Variants in TUBGCP3 observed in about 807,000 individuals in gnomAD.
TUBGCP3 encodes tubulin gamma complex component 3.
TUBGCP3 carries 50 observed loss-of-function variants against 123.1 expected under a neutral mutation model. The ratio of observed to expected loss-of-function variants is 0.41; its 90% CI spans 0.32 to 0.51. The LOEUF is 0.51. Ranked by LOEUF, TUBGCP3 falls within the 20% of genes least tolerant of loss-of-function variation. The pLI, the probability that TUBGCP3 is intolerant of heterozygous loss-of-function variation, is 0.36. For synonymous variants in TUBGCP3, 405 were observed against 413.9 expected (o/e 0.98, Z 0.26); for missense variants, 882 against 1,127.0 (o/e 0.78, Z 3.11).
chr13:112,591,111 G>A (rs952504424), upstream of TUBGCP3, among the ~76,000 whole-genome samples: 3 of 152,194 alleles, frequency 2.0e-5, no homozygotes, highest in African/African-American at 7.2e-5. Context: ...AGACTTTGTA[G>A]GAAACAGCAT....
At chr13:112,538,030 A>G (rs1878210681) in intron 11 of TUBGCP3, among the ~76,000 whole-genome samples, 1 of 152,194 alleles carries the variant, frequency 6.6e-6, no homozygotes, top group Non-Finnish European at 1.5e-5. Context: ...TGGCCTCCAC[A>G]GTTTCTGATG....
chr13:112,604,773 C>A, the TUBGCP3 span: 1 of 152,214 alleles, frequency 6.6e-6, no homozygotes, highest in Admixed American at 6.5e-5. Flanking sequence ...TGTGTGCATA[C>A]ACTTGTGATT....
chr13:112,577,501 T>C (rs746213368), intron 1 of TUBGCP3, among the ~76,000 whole-genome samples: 10 of 152,020 alleles, frequency 6.6e-5, no homozygotes, highest in Admixed American at 1.3e-4. Context: ...ATTGTCAATG[T>C]CAAGAGAAGC....
At chr13:112,547,572 GA>G in intron 10 of TUBGCP3, 47 bp downstream of exon 10, 1 of 1,429,274 alleles carries the variant, frequency 7.0e-7, no homozygotes, top group Non-Finnish European at 9.3e-7. Context: ...TCGCGCGTGG[GA>G]AAGTCGCGCG....
At chr13:112,516,643 T>A in intron 16 of TUBGCP3, 68 bp from the exon 17 acceptor site, 1 of 1,476,588 alleles carries the variant, frequency 6.8e-7, no homozygotes. Flanking sequence ...CAGGTCTCAA[T>A]CTTTTTTTAA....
At chr13:112,577,224 G>GA (rs1054460940) in intron 1 of TUBGCP3, among the ~76,000 whole-genome samples, 1 of 152,064 alleles carries the variant, frequency 6.6e-6, no homozygotes, top group Non-Finnish European at 1.5e-5. Context: ...AATACAGGCA[G>GA]AAAAAAAGAG....
At chr13:112,589,822 A>G (rs971270775), upstream of TUBGCP3, among the ~76,000 whole-genome samples, 1 of 152,194 alleles carries the variant, frequency 6.6e-6, no homozygotes, top group Non-Finnish European at 1.5e-5. Context: ...AGATCAAACC[A>G]TTTTGGCCTT....
intron 3 of TUBGCP3, among the ~76,000 whole-genome samples, chr13:112,562,871 G>A (rs764897498): frequency 6.6e-6 from 1 of 152,198 alleles, no homozygotes; most frequent in East Asian, 1.9e-4. Context: ...CAAAGCAGCC[G>A]TTTAGTGCCC....
chr13:112,494,860 C>T (rs1427723284), intron 20 of TUBGCP3, among the ~76,000 whole-genome samples: 1 of 152,216 alleles, frequency 6.6e-6, no homozygotes, highest in Non-Finnish European at 1.5e-5. Context: ...TTGCCATTTG[C>T]ATTGTCTTCT....
intron 11 of TUBGCP3, among the ~76,000 whole-genome samples, chr13:112,532,281 T>C (rs566771782): frequency 8.5e-5 from 13 of 152,238 alleles, no homozygotes; most frequent in Non-Finnish European, 1.6e-4. Context: ...CATTAAGATA[T>C]TTTACATGGT....
intron 20 of TUBGCP3, among the ~76,000 whole-genome samples, chr13:112,495,154 GT>G (rs1319019119): frequency 6.6e-6 from 1 of 152,180 alleles, no homozygotes; most frequent in East Asian, 1.9e-4. Context: ...ATGTCCTAGA[GT>G]TTCCCCCCAG....
intron 11 of TUBGCP3, among the ~76,000 whole-genome samples, chr13:112,537,908 A>G (rs1878198194): frequency 6.6e-6 from 1 of 152,224 alleles, no homozygotes; most frequent in Non-Finnish European, 1.5e-5. Flanking sequence ...TTATCTATCT[A>G]GAAATGTCTT....
At chr13:112,525,836 C>T (rs1330439586) in intron 13 of TUBGCP3, among the ~76,000 whole-genome samples, 4 of 152,204 alleles carry the variant, frequency 2.6e-5, no homozygotes, top group African/African-American at 4.8e-5. Context: ...TATTTTGGCA[C>T]ACTGCCACTT....
At chr13:112,567,392 A>G (rs1358155557) in intron 2 of TUBGCP3, among the ~76,000 whole-genome samples, 2 of 152,220 alleles carry the variant, frequency 1.3e-5, no homozygotes, top group Admixed American at 1.3e-4. Flanking sequence ...TATGCTCACC[A>G]CGAGGCCATG....
rs181433501 is a variant in TUBGCP3, at chr13:112,585,468, A to T, written c.76+2437T>A. On this transcript the variant is annotated intron_variant, in intron 1 of 21. Coordinates refer to ENST00000261965, the MANE Select transcript of TUBGCP3 (RefSeq NM_006322.6). Reference sequence around the variant, plus strand: ...TTTAATGGACTTCATGACATAATTTATTCAGAGAGGGCCGGGCGCAGTGGC... The same window carrying T: ...TTTAATGGACTTCATGACATAATTTTTTCAGAGAGGGCCGGGCGCAGTGGC... Among the ~76,000 whole-genome samples the T allele has an allele frequency of 1.3e-3, 202 of 152,314 alleles. 2 individuals are homozygous for T. Among genetic ancestry groups the T allele is most frequent in the African/African-American group, 4.6e-3 (191 of 41,562 alleles).
chr13:112,596,547 T>A, the TUBGCP3 span, among the ~76,000 whole-genome samples: 14 of 152,328 alleles, frequency 9.2e-5, no homozygotes, highest in South Asian at 2.1e-4. Context: ...TCTTCAGTTT[T>A]TCGGAGTTTG....
chr13:112,512,022 T>G (rs1272875580), intron 17 of TUBGCP3, among the ~76,000 whole-genome samples: 2 of 152,210 alleles, frequency 1.3e-5, no homozygotes, highest in African/African-American at 4.8e-5. Flanking sequence ...TGTAACTTAT[T>G]ATCATTACAT....
chr13:112,532,778 AC>A (rs1877694126), intron 11 of TUBGCP3, among the ~76,000 whole-genome samples: 1 of 152,230 alleles, frequency 6.6e-6, no homozygotes, highest in Non-Finnish European at 1.5e-5. Flanking sequence ...TACCTTCCAA[AC>A]TCTTATAGCC....
chr13:112,511,129 C>T lies in TUBGCP3; in HGVS notation c.2086+5311G>A, dbSNP rs183378544. 4.6e-5 allele frequency among the ~76,000 whole-genome samples: 7 copies of T among 152,274 alleles called. No homozygotes were observed. Among genetic ancestry groups the T allele is most frequent in the Non-Finnish European group, 7.3e-5 (5 of 68,028 alleles). On this transcript the variant is annotated intron_variant, in intron 17 of 21. Coordinates refer to ENST00000261965, the MANE Select transcript of TUBGCP3 (RefSeq NM_006322.6). This position sits in a 1 kb window ranked among gnomAD's most constrained non-coding sequence, Gnocchi z 4.1. The stretch of plus-strand genomic sequence containing the variant: ...AGACACTGTCATTTGTAAGATGAAT[C>T]GTTATTATATGAATCATCAAGAAAG...
Sources: gnomAD v4.1 joint callset for allele counts (sites outside exome capture counted in the v4.1 genomes callset) on GRCh38, gnomAD v4.1.1 for gene constraint, Gnocchi (gnomAD v3.1) non-coding constraint, MANE v1.5 for transcripts, NCBI Gene and HGNC (gene_info 2026-07-23, HGNC 2026-07-21) for gene names.